Variants in OPCML observed in about 807,000 individuals in gnomAD.
OPCML encodes opioid-binding protein/cell adhesion molecule.
A neutral mutation model predicts 37.8 loss-of-function variants in OPCML; 13 were observed. The observed-to-expected ratio is 0.34, with a 90% CI of 0.22 to 0.55. OPCML has a LOEUF of 0.55. Among genes scored for constraint, OPCML ranks in the 20% least tolerant of loss-of-function variants. The pLI is 0.91. For synonymous variants in OPCML, 176 were observed against 168.8 expected (o/e 1.04, Z -0.33); for missense variants, 341 against 435.6 (o/e 0.78, Z 1.93).
chr11:132,460,154 G>C (rs1192144052), intron 4 of OPCML, among the ~76,000 whole-genome samples: 3 of 151,974 alleles, frequency 2.0e-5, no homozygotes, highest in African/African-American at 4.8e-5. Context: ...ATGCGTTCCA[G>C]GGTTGAGATG....
intron 1 of OPCML, among the ~76,000 whole-genome samples, chr11:133,527,943 A>T (rs1457430985): frequency 6.6e-6 from 1 of 152,230 alleles, no homozygotes; most frequent in Non-Finnish European, 1.5e-5. Flanking sequence ...ACCACCAGAG[A>T]TAGTTCCCAG....
chr11:132,959,940 T>C (rs1358742445), intron 1 of OPCML, among the ~76,000 whole-genome samples: 1 of 152,188 alleles, frequency 6.6e-6, no homozygotes, highest in East Asian at 1.9e-4. Context: ...AAACACTCAC[T>C]GTTACGGGGC....
chr11:132,657,002 C>T (rs1246651607), intron 3 of OPCML, 85 bp downstream of exon 3: 10 of 1,542,048 alleles, frequency 6.5e-6, no homozygotes, highest in Admixed American at 5.6e-5. Context: ...TTTGTGTCTT[C>T]GCACACAGGT....
At chr11:133,297,400 T>C (rs1942657121) in intron 1 of OPCML, 2 of 152,210 alleles carry the variant, frequency 1.3e-5, no homozygotes, top group Non-Finnish European at 2.9e-5. Context: ...CCATGCACCC[T>C]GCTGTTTGTT....
intron 1 of OPCML, among the ~76,000 whole-genome samples, chr11:133,474,089 GTTAT>G (rs775734978): frequency 6.6e-6 from 1 of 151,996 alleles, no homozygotes; most frequent in African/African-American, 2.4e-5. Context: ...TTTCCTACTT[GTTAT>G]TTATTTATTT....
intron 2 of OPCML, among the ~76,000 whole-genome samples, chr11:132,931,538 C>G (rs552608389): frequency 6.6e-6 from 1 of 152,012 alleles, no homozygotes. Context: ...GAAGGATATA[C>G]AAATGGTCAA....
At chr11:133,232,580 A>G (rs145381680) in intron 1 of OPCML, among the ~76,000 whole-genome samples, 28 of 152,194 alleles carry the variant, frequency 1.8e-4, no homozygotes, top group African/African-American at 6.3e-4. Flanking sequence ...TAAAAGAAAA[A>G]AAAAACCACC....
At chr11:133,181,835 G>T (rs1937846935) in intron 1 of OPCML, among the ~76,000 whole-genome samples, 1 of 152,134 alleles carries the variant, frequency 6.6e-6, no homozygotes, top group Non-Finnish European at 1.5e-5. Context: ...GCCTAGTACT[G>T]ATCCCTCCAC....
chr11:133,369,644 T>A (rs898927084), intron 1 of OPCML, among the ~76,000 whole-genome samples: 8 of 152,184 alleles, frequency 5.3e-5, no homozygotes, highest in African/African-American at 1.9e-4. Context: ...CACAACTCCA[T>A]GCTGCACTTT....
intron 1 of OPCML, among the ~76,000 whole-genome samples, chr11:133,012,136 G>A (rs951687): frequency 0.016 from 2,364 of 152,248 alleles, 91 homozygotes; most frequent in East Asian, 0.12. Flanking sequence ...TCACGGCTCC[G>A]GAGGGGGCAC....
intron 2 of OPCML, among the ~76,000 whole-genome samples, chr11:132,871,635 G>A (rs963251606): frequency 1.3e-5 from 2 of 152,130 alleles, no homozygotes; most frequent in African/African-American, 2.4e-5. Context: ...GCTTAGCTTC[G>A]GTCTCCCTCC....
chr11:133,238,406 G>T (rs957309583), intron 1 of OPCML, among the ~76,000 whole-genome samples: 3 of 152,222 alleles, frequency 2.0e-5, no homozygotes, highest in African/African-American at 7.2e-5. Flanking sequence ...AATTTATGTT[G>T]ATTACTTGTT....
intron 4 of OPCML, among the ~76,000 whole-genome samples, chr11:132,471,827 C>G (rs991354169): frequency 2.6e-5 from 4 of 152,208 alleles, no homozygotes; most frequent in African/African-American, 9.6e-5. Flanking sequence ...TCTAGGCTCT[C>G]TTGTAGCTCA....
At chr11:132,956,313 T>C (rs1945977456) in intron 1 of OPCML, among the ~76,000 whole-genome samples, 1 of 152,210 alleles carries the variant, frequency 6.6e-6, no homozygotes, top group African/African-American at 2.4e-5. Context: ...GGTATTAGGA[T>C]TCTAATCAAT....
At chr11:133,309,234 G>A (rs77374122) in intron 1 of OPCML, among the ~76,000 whole-genome samples, 38,812 of 152,064 alleles carry the variant, frequency 0.26, 4,978 homozygotes, top group South Asian at 0.33. Flanking sequence ...CATTCACCAA[G>A]GGATCAGGGA....
At chr11:132,470,371 A>AT (rs1032175549) in intron 4 of OPCML, among the ~76,000 whole-genome samples, 2 of 152,078 alleles carry the variant, frequency 1.3e-5, no homozygotes, top group African/African-American at 4.8e-5. Context: ...TGACACCTAG[A>AT]TTTTTTTCTA....
intron 1 of OPCML, among the ~76,000 whole-genome samples, chr11:133,183,260 G>A (rs1031655437): frequency 6.6e-6 from 1 of 152,162 alleles, no homozygotes; most frequent in Non-Finnish European, 1.5e-5. Flanking sequence ...CACACTGACT[G>A]CACGATTTCT....
At chr11:133,354,304 ACGTGTTGGTAGTGGTGG>A in intron 1 of OPCML, among the ~76,000 whole-genome samples, 1 of 9,894 alleles carries the variant, frequency 1.0e-4, no homozygotes, top group Non-Finnish European at 2.4e-4. Flanking sequence ...GGTGGTGGTG[ACGTGTTGGTAGTGGTGG>A]TGGTGGTGAT....
intron 1 of OPCML, among the ~76,000 whole-genome samples, chr11:133,165,359 C>T (rs933821696): frequency 3.3e-5 from 5 of 152,112 alleles, no homozygotes; most frequent in African/African-American, 1.2e-4. Flanking sequence ...GGGCCCCTCC[C>T]CTTCATCCAG....
Sources: allele counts gnomAD v4.1 joint callset (sites outside exome capture counted in the v4.1 genomes callset), GRCh38; gene constraint gnomAD v4.1.1; transcripts MANE v1.5; gene names NCBI Gene and HGNC (gene_info 2026-07-23, HGNC 2026-07-21).